NCAN: variants seen among roughly 807,000 people sequenced by gnomAD.
NCAN encodes neurocan, also known as neurocan core protein.
In NCAN, 47 loss-of-function variants were observed where a neutral mutation model predicts 121.8. The observed-to-expected ratio is 0.39, with a 90% CI of 0.31 to 0.49. The LOEUF (loss-of-function observed/expected upper bound fraction) is 0.49, where lower values mean the gene tolerates loss of function less well. NCAN is among the 20% of genes least tolerant of loss of function. The pLI is 0.92. For missense variants in NCAN, 1,517 were observed against 1,773.4 expected, an observed-to-expected ratio of 0.86 and a Z score of 2.60; for synonymous variants, 633 against 702.0, an observed-to-expected ratio of 0.90 and a Z score of 1.55.
rs1243929717 is a variant in NCAN at position 19,228,487 on chromosome 19, C to G, written c.2867C>G (p.Ser956Cys). The G allele has an allele frequency of 6.2e-7, 1 of 1,613,584 alleles. No individual in the cohort carries two copies. Among genetic ancestry groups the G allele is most frequent in the Non-Finnish European group, 8.5e-7 (1 of 1,180,030 alleles). Reference protein sequence around the residue: ...SGEPTVPWDPSSTLLPVTLGI... With the variant: ...SGEPTVPWDPCSTLLPVTLGI... ...GAGCCTACGGTACCGTGGGACCCCT[C>G]CAGCACCCTGCTGCCTGTCACCCTG... Residue 956 changes from serine to cysteine, a missense_variant, in exon 8 of 15, where the codon TCC becomes TGC. Transcript: ENST00000252575.
At position 19,245,221 on chromosome 19, in the gene NCAN, G is replaced by A. The variant is rs998468102; in HGVS notation, c.3493-92G>A. The A allele has an allele frequency of 4.1e-5, 61 of 1,479,720 alleles. No homozygotes were observed. The South Asian group carries it at 7.3e-4, about 18-fold the overall frequency. The allele number at this position is 1,479,720 out of a possible 1,614,324, so 91.7% of individuals were successfully genotyped here. A position where few individuals can be genotyped will look rare whatever the true frequency, so the allele number is the denominator to read the frequency against. ...ACACTGAATCCCTGTGAGTTTGAGG[G>A]GTCTGGCCAGGGGAGTCCCACAGCA... On this transcript the variant is annotated intron_variant, in intron 12 of 14. Transcript: ENST00000252575.
rs575262028 is a variant in NCAN at position 19,227,534 on chromosome 19, T to G, written c.1914T>G (p.Gly638=). 44 of 1,613,624 alleles carry G rather than the reference T, an allele frequency of 2.7e-5. No individual in the cohort carries two copies. The highest frequency in any genetic ancestry group is 3.4e-5 in the Non-Finnish European group (40 of 1,179,968). ...TCCCTATGATGGCCATGCTGCGTGG[T>G]CCCAAAGAGTGGATGCTACCACACC... ...PDLPMMAMLR[G]PKEWMLPHPT... Residue 638 remains glycine (G), a synonymous_variant, in exon 8 of 15, where the codon GGT becomes GGG. Transcript: ENST00000252575. This position sits in a 1 kb window ranked among gnomAD's most constrained non-coding sequence, Gnocchi z 4.2.
intron 5 of NCAN, 77 bp downstream of exon 5, chr19:19,224,510 C>T (rs775267524): frequency 2.5e-5 from 39 of 1,542,262 alleles, no homozygotes; most frequent in Non-Finnish European, 3.2e-5. Flanking sequence ...TCCCATCCTC[C>T]GGGGTCCTTA....
chr19:19,245,689 G>C (rs2060921997), intron 13 of NCAN, among the ~76,000 whole-genome samples: 1 of 152,122 alleles, frequency 6.6e-6, no homozygotes, highest in Non-Finnish European at 1.5e-5. Flanking sequence ...TGTTGCCCAG[G>C]CTGGTCCCGA....
chr19:19,247,194 T>A (rs947454027), intron 13 of NCAN, among the ~76,000 whole-genome samples: 1 of 151,974 alleles, frequency 6.6e-6, no homozygotes, highest in East Asian at 1.9e-4. Context: ...CAAGTGATAC[T>A]CCTACCTCAG....
Position 19,250,418 on chromosome 19 carries a change from C to T in NCAN, c.*507C>T. On this transcript the variant is annotated 3_prime_UTR_variant, in exon 15 of 15. Transcript: ENST00000252575. Reference sequence around the variant, plus strand: ...ACTGTTTTTGAACTTGACAACAGCTCTCCCTTTACCCTGGACTTCAGCCCA... The same window carrying T: ...ACTGTTTTTGAACTTGACAACAGCTTTCCCTTTACCCTGGACTTCAGCCCA... 6 of 328,330 alleles carry T rather than the reference C, an allele frequency of 1.8e-5. No homozygotes were observed. The East Asian group carries it at 4.8e-4, about 26-fold the overall frequency. 20.3% of individuals were successfully genotyped at this position (328,330 alleles called of 1,614,324 possible).
rs1415391291 is a variant in NCAN, at chr19:19,216,952, G to A, written c.-2G>A. On this transcript the variant is annotated 5_prime_UTR_variant, in exon 2 of 15. Coordinates refer to ENST00000252575, the MANE Select transcript of NCAN (RefSeq NM_004386.3). ...CCCTCTCCATTTTGTTCCAGATCCA[G>A]GATGGGGGCCCCGTTTGTCTGGGCC... 4 of 1,311,776 alleles carry A rather than the reference G, an allele frequency of 3.0e-6. No homozygotes were observed. The African/African-American group carries it at 6.0e-5, about 20-fold the overall frequency. The allele number at this position is 1,311,776 out of a possible 1,614,324, so 81.3% of individuals were successfully genotyped here. A position where few individuals can be genotyped will look rare whatever the true frequency, so the allele number is the denominator to read the frequency against.
intron 12 of NCAN, among the ~76,000 whole-genome samples, chr19:19,243,633 G>A (rs1042371775): frequency 2.0e-5 from 3 of 152,154 alleles, no homozygotes; most frequent in South Asian, 4.1e-4. Context: ...CCCGGGAGGC[G>A]GAGGTTGCAG....
intron 14 of NCAN, 91 bp downstream of exon 14, chr19:19,248,973 C>T (rs2060936392): frequency 6.6e-6 from 9 of 1,372,718 alleles, no homozygotes; most frequent in South Asian, 5.3e-5. Flanking sequence ...ATTGATCTGG[C>T]TTAATGTCTG....
At chr19:19,240,830 T>C (rs1347964454) in intron 12 of NCAN, 145 bp downstream of exon 12, 2 of 786,634 alleles carry the variant, frequency 2.5e-6, no homozygotes, top group East Asian at 2.7e-5. Flanking sequence ...GCAAAGGAGC[T>C]TCAAGTGAAG....
chr19:19,225,259 A>G lies in NCAN; in HGVS notation c.1061A>G (p.Tyr354Cys), dbSNP rs1373462491. Residue 354 changes from tyrosine to cysteine, a missense_variant, in exon 6 of 15, where the codon TAC becomes TGC. Coordinates refer to ENST00000252575, the MANE Select transcript of NCAN (RefSeq NM_004386.3). The surrounding 1 kb of genome is among the most constrained non-coding windows in gnomAD (Gnocchi z 4.0). ...TCACCCGCCGAGCGCTTCGACGCCT[A>G]CTGCTTCCGAGGTGCGTGCGTCCCC... ...FPSPAERFDA[Y>C]CFRAHHPTSQ... The G allele has an allele frequency of 6.5e-7, 1 of 1,543,778 alleles. No individual in the cohort carries two copies. Among genetic ancestry groups the G allele is most frequent in the Non-Finnish European group, 8.6e-7 (1 of 1,157,806 alleles).
chr19:19,242,775 C>G (rs2060908634), intron 12 of NCAN, among the ~76,000 whole-genome samples: 1 of 152,164 alleles, frequency 6.6e-6, no homozygotes. Context: ...ATCCAAAATA[C>G]CCATCAACAG....
At position 19,239,829 on chromosome 19, in the gene NCAN, C is replaced by T. The variant is rs550157730; in HGVS notation, c.3410-774C>T. Among the ~76,000 whole-genome samples, 51 of 131,916 alleles carry T rather than the reference C, an allele frequency of 3.9e-4. 1 individual carries two copies. The South Asian group carries it at 0.014, about 37-fold the overall frequency. 86.5% of individuals were successfully genotyped at this position (131,916 alleles called of 152,430 possible). On this transcript the variant is annotated intron_variant, in intron 11 of 14. Transcript: ENST00000252575. ...CCTCTTTTCTCCTCCCCATTCATCT[C>T]CCACTCTTCCCCCTCCTCCCTCCAA...
intron 12 of NCAN, among the ~76,000 whole-genome samples, chr19:19,243,527 A>AAAAAG (rs1367718582): frequency 2.6e-5 from 4 of 151,188 alleles, no homozygotes; most frequent in African/African-American, 9.7e-5. Flanking sequence ...AAAAAAAAAA[A>AAAAAG]AAAAAAAGAA....
At chr19:19,218,265 G>A (rs1436844313) in intron 2 of NCAN, among the ~76,000 whole-genome samples, 1 of 151,764 alleles carries the variant, frequency 6.6e-6, no homozygotes, top group Admixed American at 6.6e-5. Flanking sequence ...GAGATGGAGC[G>A]AGACTCCATC....
Position 19,227,588 on chromosome 19 carries a change from A to G in NCAN, c.1968A>G (p.Arg656=). Residue 656 remains arginine (R), a synonymous_variant, in exon 8 of 15, where the codon AGA becomes AGG. Coordinates refer to ENST00000252575, the MANE Select transcript of NCAN (RefSeq NM_004386.3). The surrounding 1 kb of genome is among the most constrained non-coding windows in gnomAD (Gnocchi z 4.2). ...HPTPISTEAN[R]VEAHGEATAT... is the part of the protein sequence containing the mutation. ...CCCCCATCTCCACCGAGGCCAATAGAGTTGAGGCACATGGTGAGGCCACCG... is the reference window on the plus strand; with the variant it reads ...CCCCCATCTCCACCGAGGCCAATAGGGTTGAGGCACATGGTGAGGCCACCG... 6.2e-7 allele frequency: 1 copy of G among 1,613,804 alleles called. No homozygotes were observed. The highest frequency in any genetic ancestry group is 8.5e-7 in the Non-Finnish European group (1 of 1,179,994).
chr19:19,243,604 C>T (rs2060912293), intron 12 of NCAN, among the ~76,000 whole-genome samples: 1 of 150,672 alleles, frequency 6.6e-6, no homozygotes, highest in South Asian at 2.1e-4. Context: ...GTGCATTAAA[C>T]TGCACACCGC....
rs1396469936 is a variant in NCAN at position 19,227,552 on chromosome 19, A to G, written c.1932A>G (p.Leu644=). ...TGCGTGGTCCCAAAGAGTGGATGCT[A>G]CCACACCCCACCCCCATCTCCACCG... is the stretch of plus-strand genomic sequence containing the variant. ...AMLRGPKEWM[L]PHPTPISTEA... The change falls in exon 8 of 15, where the codon CTA becomes CTG. Residue 644 remains leucine, a synonymous_variant. Transcript: ENST00000252575. The surrounding 1 kb of genome is among the most constrained non-coding windows in gnomAD (Gnocchi z 4.2). 3 of 1,613,658 alleles carry G rather than the reference A, an allele frequency of 1.9e-6. No homozygotes were observed. Among genetic ancestry groups the G allele is most frequent in the South Asian group, 2.2e-5 (2 of 91,068 alleles).
chr19:19,240,011 C>T (rs1180975319), intron 11 of NCAN, among the ~76,000 whole-genome samples: 1 of 123,296 alleles, frequency 8.1e-6, no homozygotes, highest in Non-Finnish European at 1.7e-5. Context: ...CCTCCCCCTC[C>T]TTCTTCCACT....
Sources: gnomAD v4.1 joint callset for allele counts (sites outside exome capture counted in the v4.1 genomes callset) on GRCh38, gnomAD v4.1.1 for gene constraint, Gnocchi (gnomAD v3.1) non-coding constraint, MANE v1.5 for transcripts, NCBI Gene and HGNC (gene_info 2026-07-23, HGNC 2026-07-21) for gene names.